Variants in TSC1 observed in about 807,000 individuals in gnomAD.
TSC1 encodes hamartin.
A neutral mutation model predicts 124.3 loss-of-function variants in TSC1; 20 were observed. The observed-to-expected ratio is 0.16, with a 90% confidence interval of 0.11 to 0.23. The LOEUF (loss-of-function observed/expected upper bound fraction) is 0.23, where lower values mean the gene tolerates loss of function less well. Among genes scored for constraint, TSC1 ranks in the 10% least tolerant of loss-of-function variants. The pLI is 1.00. For synonymous variants in TSC1, 493 were observed against 539.1 expected (o/e 0.91, Z 1.19); for missense variants, 1,124 against 1,448.5 (o/e 0.78, Z 3.64).
At position 132,891,535 on chromosome 9, in the gene TSC1, T is replaced by C. The variant is rs1844770993; in HGVS notation, c.*4700A>G. The C allele has an allele frequency of 4.3e-6, 1 of 233,380 alleles. No individual in the cohort carries two copies. Among genetic ancestry groups the C allele is most frequent in the East Asian group, 6.0e-5 (1 of 16,550 alleles). The allele number at this position is 233,380 out of a possible 1,614,324, so 14.5% of individuals were successfully genotyped here. A position where few individuals can be genotyped will look rare whatever the true frequency, so the allele number is the denominator to read the frequency against. The stretch of plus-strand genomic sequence containing the variant: ...GTGGATTGTTGACATGCTTTTAGGA[T>C]TGAGGCGGGAAAGTTTAGACCTTTT... On this transcript the variant is annotated 3_prime_UTR_variant, in exon 23 of 23. Transcript: ENST00000298552.
At position 132,897,459 on chromosome 9, in the gene TSC1, T is replaced by G. The variant is rs1407221642; in HGVS notation, c.2777A>C (p.Gln926Pro). 3 of 1,614,230 alleles carry G rather than the reference T, an allele frequency of 1.9e-6. No homozygotes were observed. The highest frequency in any genetic ancestry group is 1.7e-6 in the Non-Finnish European group (2 of 1,180,038). ...TTTGACATCCTCTAGATATTTCTTC[T>G]GTTCCAAAAGAAGGTGGTCTTTCTT... ...LAKKDHLLLEQKKYLEDVKLQ... is the reference protein window; with the variant it reads ...LAKKDHLLLEPKKYLEDVKLQ... The change falls in exon 21 of 23, where the codon CAG becomes CCG. Residue 926 changes from glutamine to proline, a missense_variant. By Grantham distance (76) the Gln-to-Pro change is moderately conservative. Coordinates refer to ENST00000298552, the MANE Select transcript of TSC1 (RefSeq NM_000368.5).
chr9:132,910,881 C>T, intron 11 of TSC1, 121 bp downstream of exon 11: 1 of 1,285,886 alleles, frequency 7.8e-7, no homozygotes, highest in Non-Finnish European at 1.1e-6. Context: ...CAGGGATTTG[C>T]AATAAGTGTC....
In TSC1 at chr9:132,896,825, CACTG is replaced by C; in HGVS notation, c.2976-75_2976-72del. 1 of 1,607,234 alleles carries C rather than the reference CACTG, an allele frequency of 6.2e-7. No homozygotes were observed. Among genetic ancestry groups the C allele is most frequent in the Non-Finnish European group, 8.5e-7 (1 of 1,175,108 alleles). On this transcript the variant is annotated intron_variant, in intron 22 of 22. Transcript: ENST00000298552. The surrounding 1 kb of genome is among the most constrained non-coding windows in gnomAD (Gnocchi z 4.5). ...TCCACATTCGGAGGATGTGGAATTA[CACTG>C]ACACTCACTCACACTGACACTGAAC... is the stretch of plus-strand genomic sequence containing the variant.
rs1588284864 is a variant in TSC1, at chr9:132,895,849, T to C, written c.*386A>G. The stretch of plus-strand genomic sequence containing the variant: ...GTCTAATTGAGAGCCAACCCAGTTA[T>C]CTGAACTTCGGGAAAGCAGAAAGTG... On this transcript the variant is annotated 3_prime_UTR_variant, in exon 23 of 23. Coordinates refer to ENST00000298552, the MANE Select transcript of TSC1 (RefSeq NM_000368.5). 1 of 338,002 alleles carries C rather than the reference T, an allele frequency of 3.0e-6. No homozygotes were observed. The highest frequency in any genetic ancestry group is 5.5e-6 in the Non-Finnish European group (1 of 181,094). The allele number at this position is 338,002 out of a possible 1,614,324, so 20.9% of individuals were successfully genotyped here.
In TSC1 at chr9:132,896,794, G is replaced by A. The variant is rs1416772045; in HGVS notation, c.2976-40C>T. ...GGGAGGAAAAAAGGAGCTGGTGATTGGACTGTCCACATTCGGAGGATGTGG... is the reference window on the plus strand; with the variant it reads ...GGGAGGAAAAAAGGAGCTGGTGATTAGACTGTCCACATTCGGAGGATGTGG... On this transcript the variant is annotated intron_variant, in intron 22 of 22. Transcript: ENST00000298552. This position sits in a 1 kb window ranked among gnomAD's most constrained non-coding sequence, Gnocchi z 4.5. 6.2e-7 allele frequency: 1 copy of A among 1,613,196 alleles called. No individual in the cohort carries two copies. The highest frequency in any genetic ancestry group is 1.1e-5 in the South Asian group (1 of 91,004).
chr9:132,903,930 C>A lies in TSC1; in HGVS notation c.2042-113G>T, dbSNP rs1845517132. The A allele has an allele frequency of 2.3e-6, 3 of 1,306,724 alleles. No individual in the cohort carries two copies. Among genetic ancestry groups the A allele is most frequent in the Admixed American group, 1.9e-5 (1 of 53,334 alleles). The allele number at this position is 1,306,724 out of a possible 1,614,324, so 80.9% of individuals were successfully genotyped here. A position where few individuals can be genotyped will look rare whatever the true frequency, so the allele number is the denominator to read the frequency against. On this transcript the variant is annotated intron_variant, in intron 16 of 22. Coordinates refer to ENST00000298552, the MANE Select transcript of TSC1 (RefSeq NM_000368.5). The surrounding 1 kb of genome is among the most constrained non-coding windows in gnomAD (Gnocchi z 5.9). ...AACACAATTCTTTAAAAACAAATCA[C>A]CACTCTCTTTGCAAATGACCACTTG... is the stretch of plus-strand genomic sequence containing the variant.
Position 132,927,290 on chromosome 9 carries a change from G to A in TSC1, c.121C>T (p.Leu41Phe), listed in dbSNP as rs118203334. 2.0e-5 allele frequency: 32 copies of A among 1,613,730 alleles called. No individual in the cohort carries two copies. The highest frequency in any genetic ancestry group is 2.6e-5 in the Non-Finnish European group (31 of 1,179,876). Residue 41 changes from leucine (L) to phenylalanine (F), a missense_variant, in exon 4 of 23, where the codon CTT (leucine) becomes TTT (phenylalanine). Coordinates refer to ENST00000298552, the MANE Select transcript of TSC1 (RefSeq NM_000368.5). Reference sequence around the variant, plus strand: ...TAATAATCCACCAAGGTGTTTACAAGCATAGGGCCACGGTCTAAATCAAGA... The same window carrying A: ...TAATAATCCACCAAGGTGTTTACAAACATAGGGCCACGGTCTAAATCAAGA... The part of the protein sequence containing the change: ...ENLNSDRGPM[L>F]VNTLVDYYLE...
chr9:132,914,566 A>G (rs1490075195), intron 8 of TSC1, among the ~76,000 whole-genome samples: 1 of 152,142 alleles, frequency 6.6e-6, no homozygotes, highest in African/African-American at 2.4e-5. Context: ...GATTTAAAAA[A>G]TCATGCTTAA....
intron 8 of TSC1, among the ~76,000 whole-genome samples, chr9:132,919,845 G>T (rs1332655503): frequency 6.6e-6 from 1 of 152,168 alleles, no homozygotes; most frequent in East Asian, 1.9e-4. Flanking sequence ...TTTTAATGAG[G>T]GACAGAGCCA....
In TSC1 at chr9:132,908,901, C is replaced by CTTTTTTTTT. The variant is rs35234317; in HGVS notation, c.1264-1540_1264-1532dup. ...TTAAAACCCACTAGTCTACCTTGCACTTTTTTTTTTTTTTTTTGTGACAGT... is the reference window on the plus strand; with the variant it reads ...TTAAAACCCACTAGTCTACCTTGCACTTTTTTTTTTTTTTTTTTTTTTTTTTGTGACAGT... On this transcript the variant is annotated intron_variant, in intron 12 of 22. Transcript: ENST00000298552. Among the ~76,000 whole-genome samples the CTTTTTTTTT allele has an allele frequency of 3.5e-4, 42 of 121,514 alleles. 2 individuals carry two copies. Among genetic ancestry groups the CTTTTTTTTT allele is most frequent in the African/African-American group, 5.0e-4 (15 of 30,150 alleles). 79.7% of individuals were successfully genotyped at this position (121,514 alleles called of 152,430 possible).
chr9:132,928,710 C>T (rs541702459), intron 3 of TSC1, 57 bp downstream of exon 3: 1 of 1,606,720 alleles, frequency 6.2e-7, no homozygotes, highest in African/African-American at 1.3e-5. Flanking sequence ...TCTAGTGGCT[C>T]TAAAGTCAAT....
rs1844766809 is a variant in TSC1 at position 132,891,425 on chromosome 9, A to G, written c.*4810T>C. 8.6e-6 allele frequency: 2 copies of G among 233,368 alleles called. No individual in the cohort carries two copies. The highest frequency in any genetic ancestry group is 1.7e-5 in the Non-Finnish European group (2 of 117,940). The allele number at this position is 233,368 out of a possible 1,614,324, so 14.5% of individuals were successfully genotyped here. ...CCTTGACATTTTAGAACATTCTAAGAAGGACAGCAAACTCTTTTGATTCCA... is the reference window on the plus strand; with the variant it reads ...CCTTGACATTTTAGAACATTCTAAGGAGGACAGCAAACTCTTTTGATTCCA... On this transcript the variant is annotated 3_prime_UTR_variant, in exon 23 of 23. Transcript: ENST00000298552.
In TSC1 at chr9:132,921,832, T is replaced by C. The variant is rs2132150110; in HGVS notation, c.650A>G (p.Glu217Gly). The C allele has an allele frequency of 6.2e-7, 1 of 1,614,170 alleles. No individual in the cohort carries two copies. The highest frequency in any genetic ancestry group is 8.5e-7 in the Non-Finnish European group (1 of 1,179,996). Residue 217 changes from glutamate (E) to glycine (G), a missense_variant, in exon 7 of 23, where the codon GAA (glutamate) becomes GGA (glycine). By Grantham distance (98) the Glu-to-Gly change is moderately conservative (BLOSUM62 -2). This residue lies in a region of TSC1 where 463 missense variants were observed against 606.8 expected (regional missense o/e 0.76). Coordinates refer to ENST00000298552, the MANE Select transcript of TSC1 (RefSeq NM_000368.5). The surrounding 1 kb of genome is among the most constrained non-coding windows in gnomAD (Gnocchi z 4.3). ...YSMKENLETF[E>G]EVVKPMMEHV... The stretch of plus-strand genomic sequence containing the variant: ...GTTTCAATTTACCTTGACCACTTCT[T>C]CAAAAGTCTCCAGGTTTTCTTTCAT...
rs1299279813 is a variant in TSC1, at chr9:132,905,813, G to A, written c.1765C>T (p.Pro589Ser). The part of the protein sequence containing the change: ...SIFTPSPCKI[P>S]PPTRVGFGSG... ...CCAAAGCCCACTCTCGTCGGAGGTG[G>A]AATTTTACAAGGACTGGGAGTGAAG... is the stretch of plus-strand genomic sequence containing the variant. The change falls in exon 15 of 23, where the codon CCA becomes TCA. Residue 589 changes from proline (P) to serine (S), a missense_variant. Physicochemically the swap from Pro to Ser is moderately conservative, Grantham distance 74. Around this residue, in one of 5 missense-constraint regions of TSC1, gnomAD observed 321 missense variants for 397.4 expected, o/e 0.81. Coordinates refer to ENST00000298552, the MANE Select transcript of TSC1 (RefSeq NM_000368.5). The A allele has an allele frequency of 1.9e-6, 3 of 1,614,220 alleles. No homozygotes were observed. The South Asian group carries it at 3.3e-5, about 18-fold the overall frequency.
chr9:132,921,542 T>C lies in TSC1; in HGVS notation c.664-106A>G. ...AAAGGAATGAAGTACTGATACATGTTATAACACAGATGGAACCTTGAGAAC... is the reference window on the plus strand; with the variant it reads ...AAAGGAATGAAGTACTGATACATGTCATAACACAGATGGAACCTTGAGAAC... On this transcript the variant is annotated intron_variant, in intron 7 of 22. Transcript: ENST00000298552. The surrounding 1 kb of genome is among the most constrained non-coding windows in gnomAD (Gnocchi z 4.3). 2 of 1,321,398 alleles carry C rather than the reference T, an allele frequency of 1.5e-6. No homozygotes were observed. Among genetic ancestry groups the C allele is most frequent in the Non-Finnish European group, 2.2e-6 (2 of 924,154 alleles). 81.9% of individuals were successfully genotyped at this position (1,321,398 alleles called of 1,614,324 possible).
intron 11 of TSC1, 33 bp downstream of exon 11, chr9:132,910,969 C>T (rs1845923487): frequency 6.3e-7 from 1 of 1,598,394 alleles, no homozygotes; most frequent in South Asian, 1.1e-5. Context: ...AGGCCAAAAC[C>T]AACTAATCAA....
chr9:132,908,628 T>TA (rs1392580346), intron 12 of TSC1, among the ~76,000 whole-genome samples: 130 of 151,646 alleles, frequency 8.6e-4, no homozygotes, highest in African/African-American at 2.9e-3. Context: ...TTTTTTTTTT[T>TA]AGTTGAGATG....
chr9:132,943,704 T>C (rs1337297395), intron 1 of TSC1: 2 of 152,204 alleles, frequency 1.3e-5, no homozygotes, highest in Non-Finnish European at 2.9e-5. Context: ...ACTTTCACAG[T>C]GCCTGGCACA....
chr9:132,934,768 C>T (rs1847370277), intron 2 of TSC1, among the ~76,000 whole-genome samples: 1 of 152,210 alleles, frequency 6.6e-6, no homozygotes, highest in South Asian at 2.1e-4. Flanking sequence ...ATGTTTGAAC[C>T]CGAATCCTCA....
Sources: gnomAD v4.1 joint callset for allele counts (sites outside exome capture counted in the v4.1 genomes callset) on GRCh38, gnomAD v4.1.1 for gene constraint, gnomAD v4.1.1 regional missense constraint, Gnocchi (gnomAD v3.1) non-coding constraint, MANE v1.5 for transcripts, NCBI Gene and HGNC (gene_info 2026-07-23, HGNC 2026-07-21) for gene names.